NECAB2: variants seen among roughly 807,000 people sequenced by gnomAD.
NECAB2 encodes the protein N-terminal EF-hand calcium binding protein 2.
A neutral mutation model predicts 51.9 loss-of-function variants in NECAB2; 68 were observed. The ratio of observed to expected loss-of-function variants is 1.31; its 90% CI spans 1.08 to 1.60. The LOEUF (loss-of-function observed/expected upper bound fraction) is 1.60. Ranked by LOEUF, NECAB2 falls within the 40% of genes most tolerant of loss-of-function variation. The pLI is 0.00. For missense variants in NECAB2, 854 were observed against 490.3 expected, an observed-to-expected ratio of 1.74 and a Z score of -7.00; for synonymous variants, 329 against 203.5, an observed-to-expected ratio of 1.62 and a Z score of -5.25.
chr16:83,965,287 G>A (rs558194656), upstream of NECAB2: 2 of 1,602,674 alleles, frequency 1.2e-6, no homozygotes, highest in South Asian at 2.2e-5. Flanking sequence ...TCTCGCTGTG[G>A]GCCCGCAACG....
intron 2 of NECAB2, 37 bp from the exon 3 acceptor site, chr16:83,978,407 C>T: frequency 1.3e-6 from 2 of 1,577,764 alleles, no homozygotes; most frequent in Non-Finnish European, 1.7e-6. Flanking sequence ...CTTATCTCTG[C>T]AGACACCAGC....
At chr16:83,978,823 A>T (rs1171050762) in intron 3 of NECAB2, among the ~76,000 whole-genome samples, 6 of 152,100 alleles carry the variant, frequency 3.9e-5, no homozygotes, top group Admixed American at 2.6e-4. Flanking sequence ...ACATGGGATT[A>T]TGAAAATGGG....
intron 9 of NECAB2, 69 bp from the exon 10 acceptor site, chr16:83,998,136 G>A (rs781552893): frequency 3.7e-5 from 51 of 1,392,738 alleles, no homozygotes; most frequent in Non-Finnish European, 5.1e-5. Flanking sequence ...AGGTCATGGG[G>A]GCCTGATGGG....
chr16:84,002,505 G>A lies in NECAB2; in HGVS notation c.*159G>A. 3 of 910,902 alleles carry A rather than the reference G, an allele frequency of 3.3e-6. No individual in the cohort carries two copies. The highest frequency in any genetic ancestry group is 2.6e-5 in the East Asian group (1 of 38,506). 56.4% of individuals were successfully genotyped at this position (910,902 alleles called of 1,614,324 possible). A position where few individuals can be genotyped will look rare whatever the true frequency, so the allele number is the denominator to read the frequency against. ...TTGTTAAGTGAAGGAGGCCGCCCCTGCCCCCACCTGAGAAGGCAGAGCAGT... is the reference window on the plus strand; with the variant it reads ...TTGTTAAGTGAAGGAGGCCGCCCCTACCCCCACCTGAGAAGGCAGAGCAGT... On this transcript the variant is annotated 3_prime_UTR_variant, in exon 13 of 13. Coordinates refer to ENST00000305202, the MANE Select transcript of NECAB2 (RefSeq NM_019065.3).
upstream of NECAB2, chr16:83,965,557 G>C (rs2084268555): frequency 6.2e-7 from 1 of 1,612,884 alleles, no homozygotes; most frequent in African/African-American, 1.3e-5. Context: ...TGTTCAACCA[G>C]CTGCCCAAGA....
In NECAB2 at chr16:83,997,359, G is replaced by A. The variant is rs563254153; in HGVS notation, c.849+90G>A. 3.0e-4 allele frequency: 456 copies of A among 1,514,042 alleles called. 1 individual carries two copies. Among genetic ancestry groups the A allele is most frequent in the African/African-American group, 1.1e-3 (83 of 72,956 alleles). The allele number at this position is 1,514,042 out of a possible 1,614,324, so 93.8% of individuals were successfully genotyped here. A position where few individuals can be genotyped will look rare whatever the true frequency, so the allele number is the denominator to read the frequency against. ...CAAGTGGCTCAATGCCCCTGACCCCGCTCTCCCTGCTTGGGACCACCAGGA... is the reference window on the plus strand; with the variant it reads ...CAAGTGGCTCAATGCCCCTGACCCCACTCTCCCTGCTTGGGACCACCAGGA... On this transcript the variant is annotated intron_variant, in intron 9 of 12. Coordinates refer to ENST00000305202, the MANE Select transcript of NECAB2 (RefSeq NM_019065.3).
rs1415184301 is a variant in NECAB2, at chr16:83,984,140, C to T, written c.459+3013C>T. 4.0e-5 allele frequency among the ~76,000 whole-genome samples: 6 copies of T among 151,814 alleles called. No individual in the cohort carries two copies. In the East Asian group the frequency reaches 5.9e-4, roughly 15 times the overall value. On this transcript the variant is annotated intron_variant, in intron 5 of 12. Coordinates refer to ENST00000305202, the MANE Select transcript of NECAB2 (RefSeq NM_019065.3). Reference sequence around the variant, plus strand: ...CCTCCCGAGTAGCTGGGACTACAGGCGCCCGCTACTACGCCTGGCTAATTT... The same window carrying T: ...CCTCCCGAGTAGCTGGGACTACAGGTGCCCGCTACTACGCCTGGCTAATTT...
rs574882502 is a variant in NECAB2 at position 83,971,130 on chromosome 16, G to A, written c.202-1021G>A. On this transcript the variant is annotated intron_variant, in intron 1 of 12. Transcript: ENST00000305202. ...AAATAGTGCTGGTGAATCAGTCCCC[G>A]TGGGAACTGGTTACAGTGAAAGGTC... is the stretch of plus-strand genomic sequence containing the variant. Among the ~76,000 whole-genome samples, 7 of 151,864 alleles carry A rather than the reference G, an allele frequency of 4.6e-5. 1 individual carries two copies. The East Asian group carries it at 5.8e-4, about 13-fold the overall frequency.
intron 11 of NECAB2, among the ~76,000 whole-genome samples, chr16:84,001,179 C>G (rs2084825092): frequency 6.6e-6 from 1 of 152,144 alleles, no homozygotes; most frequent in African/African-American, 2.4e-5. Flanking sequence ...AGCGACTAAC[C>G]TCCCCTCCAG....
At chr16:84,000,368 G>A (rs1048877684) in intron 10 of NECAB2, among the ~76,000 whole-genome samples, 2 of 98,686 alleles carry the variant, frequency 2.0e-5, no homozygotes, top group African/African-American at 3.6e-4. Context: ...CATCTCTATT[G>A]GGACAGTTTT....
intron 6 of NECAB2, among the ~76,000 whole-genome samples, chr16:83,992,393 C>T (rs1444224197): frequency 6.7e-6 from 1 of 149,968 alleles, no homozygotes; most frequent in Non-Finnish European, 1.5e-5. Context: ...CGCCCACCTC[C>T]ATTTGCTGTT....
At chr16:83,987,169 T>G (rs1044740041) in intron 5 of NECAB2, among the ~76,000 whole-genome samples, 1 of 152,156 alleles carries the variant, frequency 6.6e-6, no homozygotes, top group Non-Finnish European at 1.5e-5. Flanking sequence ...TTAGATAAAC[T>G]AGAAAAAATA....
chr16:83,987,385 T>C (rs74816953), intron 5 of NECAB2, among the ~76,000 whole-genome samples: 2,237 of 152,352 alleles, frequency 0.015, 24 homozygotes, highest in Middle Eastern at 0.041. Flanking sequence ...TTCTAATTTT[T>C]AGCCATGTTG....
rs1212908119 is a variant in NECAB2, at chr16:83,994,629, G to T, written c.736G>T (p.Glu246Ter). 2 of 1,614,170 alleles carry T rather than the reference G, an allele frequency of 1.2e-6. No homozygotes were observed. The highest frequency in any genetic ancestry group is 2.7e-5 in the African/African-American group (2 of 75,078). ...CGCAGCCACGGAGGATGCAAAGGAA[G>T]AGGGTCTGGAAGCCCAGATCAGCCG... ...LPSATEDAKE[E>*]GLEAQISRLA... Residue 246 changes from glutamate (E) to a stop codon, truncating the protein, a stop_gained, in exon 8 of 13, where the codon GAG (glutamate) becomes TAG (stop). Coordinates refer to ENST00000305202, the MANE Select transcript of NECAB2 (RefSeq NM_019065.3). LOFTEE classifies it high-confidence loss of function.
intron 2 of NECAB2, among the ~76,000 whole-genome samples, chr16:83,975,885 G>C (rs2084402850): frequency 6.6e-6 from 1 of 152,212 alleles, no homozygotes; most frequent in Admixed American, 6.5e-5. Context: ...TGTCTAATTG[G>C]ACTGGGGGCC....
At chr16:83,993,222 C>T (rs1048041701) in intron 6 of NECAB2, among the ~76,000 whole-genome samples, 14 of 152,164 alleles carry the variant, frequency 9.2e-5, no homozygotes, top group African/African-American at 2.9e-4. Context: ...TGGCTCAGAC[C>T]CCACCACCCG....
At chr16:83,999,892 G>GT (rs930683557) in intron 10 of NECAB2, among the ~76,000 whole-genome samples, 18 of 131,498 alleles carry the variant, frequency 1.4e-4, no homozygotes, top group African/African-American at 7.8e-4. Context: ...ATTTTTAAAG[G>GT]TTTTTTGAGA....
chr16:83,965,391 A>T (rs2084265615), upstream of NECAB2: 1 of 1,574,500 alleles, frequency 6.4e-7, no homozygotes, highest in East Asian at 2.2e-5. Flanking sequence ...TCTGCCCTGG[A>T]GGCCGCCACA....
intron 12 of NECAB2, 107 bp from the exon 13 acceptor site, chr16:84,002,211 C>A (rs905351959): frequency 7.9e-6 from 11 of 1,386,856 alleles, no homozygotes; most frequent in Non-Finnish European, 1.0e-5. Flanking sequence ...GTGTGTCACA[C>A]AAGGACTCAA....
Sources: allele counts gnomAD v4.1 joint callset (sites outside exome capture counted in the v4.1 genomes callset), GRCh38; gene constraint gnomAD v4.1.1; transcripts MANE v1.5; gene names NCBI Gene and HGNC (gene_info 2026-07-23, HGNC 2026-07-21).